Variants in PDE5A observed in about 807,000 individuals in gnomAD.
The protein encoded by PDE5A is cGMP-specific 3',5'-cyclic phosphodiesterase.
Under a neutral mutation model 110.2 loss-of-function variants are expected in PDE5A, and 67 were observed. The ratio of observed to expected loss-of-function variants is 0.61; its 90% confidence interval spans 0.50 to 0.75. The LOEUF is 0.75. Among genes scored for constraint, PDE5A ranks in the 30% least tolerant of loss-of-function variants. The probability of loss-of-function intolerance (pLI) is 0.00; values close to 1 mark genes in which losing one functional copy is unlikely to be tolerated. For missense variants in PDE5A, 862 were observed against 1,045.1 expected (o/e 0.82, Z 2.42); for synonymous variants, 328 against 351.2 (o/e 0.93, Z 0.74).
intron 13 of PDE5A, among the ~76,000 whole-genome samples, chr4:119,520,002 T>C (rs1726065504): frequency 6.6e-6 from 1 of 152,074 alleles, no homozygotes; most frequent in East Asian, 1.9e-4. Flanking sequence ...ATTCAACCAG[T>C]AAGTATAATG....
intron 9 of PDE5A, among the ~76,000 whole-genome samples, chr4:119,546,060 A>G (rs536236648): frequency 6.6e-6 from 1 of 152,158 alleles, no homozygotes; most frequent in South Asian, 2.1e-4. Context: ...ATATAAACCT[A>G]TATTTTCCCT....
At position 119,496,816 on chromosome 4, in the gene PDE5A, A is replaced by G. The variant is rs1447225646; in HGVS notation, c.*1785T>C. 4 of 152,584 alleles carry G rather than the reference A, an allele frequency of 2.6e-5. No homozygotes were observed. The highest frequency in any genetic ancestry group is 9.6e-5 in the African/African-American group (4 of 41,458). The allele number at this position is 152,584 out of a possible 1,614,324, so 9.5% of individuals were successfully genotyped here. ...GGGCAACCTTACAAATTTTATCTGT[A>G]TGGCAAAAAAAATAAAATATCCTGA... On this transcript the variant is annotated 3_prime_UTR_variant, in exon 21 of 21. Transcript: ENST00000354960.
At chr4:119,531,018 T>C (rs1726514477) in intron 11 of PDE5A, among the ~76,000 whole-genome samples, 1 of 152,176 alleles carries the variant, frequency 6.6e-6, no homozygotes, top group South Asian at 2.1e-4. Context: ...TAAGATTTGA[T>C]TCTCTCACTT....
At chr4:119,521,273 C>A (rs10004484) in intron 12 of PDE5A, among the ~76,000 whole-genome samples, 2 of 151,546 alleles carry the variant, frequency 1.3e-5, no homozygotes, top group Non-Finnish European at 2.9e-5. Flanking sequence ...CAATTTGACT[C>A]CACAGCCTAC....
intron 3 of PDE5A, among the ~76,000 whole-genome samples, chr4:119,588,893 T>C (rs1048495957): frequency 2.0e-5 from 3 of 152,230 alleles, no homozygotes; most frequent in African/African-American, 7.2e-5. Context: ...TCCTAAATTC[T>C]TGATTTTAAC....
chr4:119,563,238 A>C (rs72678526), intron 5 of PDE5A, among the ~76,000 whole-genome samples: 1 of 152,094 alleles, frequency 6.6e-6, no homozygotes, highest in African/African-American at 2.4e-5. Flanking sequence ...ACTGAGGGCA[A>C]ATTTCTTCAA....
intron 3 of PDE5A, among the ~76,000 whole-genome samples, chr4:119,594,580 T>C (rs1339774196): frequency 6.6e-6 from 1 of 152,220 alleles, no homozygotes; most frequent in Non-Finnish European, 1.5e-5. Flanking sequence ...AAATTTGATA[T>C]ACCTGGCAAC....
chr4:119,580,457 AG>A (rs1728551428), intron 3 of PDE5A, among the ~76,000 whole-genome samples: 1 of 152,210 alleles, frequency 6.6e-6, no homozygotes, highest in Non-Finnish European at 1.5e-5. Flanking sequence ...TTCCCATGGC[AG>A]GGTACATTCA....
At chr4:119,528,670 A>C (rs1578746771) in intron 11 of PDE5A, 1 of 152,252 alleles carries the variant, frequency 6.6e-6, no homozygotes, top group Admixed American at 6.5e-5. Context: ...AAAAGAAGGA[A>C]GTTGGAGTAG....
chr4:119,511,012 T>G (rs760104656), intron 15 of PDE5A, 35 bp downstream of exon 15: 1 of 1,193,190 alleles, frequency 8.4e-7, no homozygotes, highest in Non-Finnish European at 1.2e-6. Flanking sequence ...TAAAGCTCTC[T>G]TTTAAAATTC....
chr4:119,535,813 T>C (rs1726707120), intron 11 of PDE5A, among the ~76,000 whole-genome samples: 1 of 152,214 alleles, frequency 6.6e-6, no homozygotes, highest in South Asian at 2.1e-4. Flanking sequence ...AAATATTTAG[T>C]AGATTTAATT....
chr4:119,525,299 G>C lies in PDE5A; in HGVS notation c.1779+250C>G, dbSNP rs1034987835. On this transcript the variant is annotated intron_variant, in intron 12 of 20. Transcript: ENST00000354960. This position sits in a 1 kb window ranked among gnomAD's most constrained non-coding sequence, Gnocchi z 4.3. ...CTGCTGTCATGCCTTTGAACATCCT[G>C]CTCCTATTTTTAGGAACACTCTCCC... 1.3e-5 allele frequency among the ~76,000 whole-genome samples: 2 copies of C among 151,972 alleles called. No homozygotes were observed. The highest frequency in any genetic ancestry group is 4.8e-5 in the African/African-American group (2 of 41,436).
At chr4:119,619,375 T>TG (rs1730063307) in intron 1 of PDE5A, among the ~76,000 whole-genome samples, 1 of 152,198 alleles carries the variant, frequency 6.6e-6, no homozygotes, top group South Asian at 2.1e-4. Context: ...AGCTCACTTA[T>TG]GAATCTCTCC....
intron 7 of PDE5A, among the ~76,000 whole-genome samples, chr4:119,558,929 A>G (rs13152138): frequency 1.0e-4 from 15 of 150,254 alleles, no homozygotes; most frequent in South Asian, 2.1e-4. Flanking sequence ...AAAAAAAAAA[A>G]AAAAAAGCTA....
intron 14 of PDE5A, among the ~76,000 whole-genome samples, chr4:119,517,374 T>C (rs957572888): frequency 1.3e-4 from 19 of 151,778 alleles, no homozygotes; most frequent in African/African-American, 4.4e-4. Flanking sequence ...AAAATTCTAC[T>C]TTAAGTATCA....
At position 119,525,704 on chromosome 4, in the gene PDE5A, A is replaced by C. The variant is rs554088539; in HGVS notation, c.1633-9T>G. ...GATGGCACCACAGCAGCCTTGGGTA[A>C]GGAAAGAAGAAAAAAAAAAATGCTG... On this transcript the variant is annotated splice_polypyrimidine_tract_variant and intron_variant, in intron 11 of 20. Coordinates refer to ENST00000354960, the MANE Select transcript of PDE5A (RefSeq NM_001083.4). The surrounding 1 kb of genome is among the most constrained non-coding windows in gnomAD (Gnocchi z 4.3). 6.4e-7 allele frequency: 1 copy of C among 1,555,778 alleles called. No homozygotes were observed. Among genetic ancestry groups the C allele is most frequent in the African/African-American group, 1.7e-5 (1 of 58,752 alleles).
chr4:119,618,675 A>G (rs1730029310), intron 1 of PDE5A, among the ~76,000 whole-genome samples: 1 of 150,100 alleles, frequency 6.7e-6, no homozygotes, highest in Admixed American at 6.8e-5. Context: ...TTCCCAAAAT[A>G]TAAAAGTTAA....
At position 119,596,574 on chromosome 4, in the gene PDE5A, G is replaced by C; in HGVS notation, c.780C>G (p.Gly260=). 1 of 1,602,680 alleles carries C rather than the reference G, an allele frequency of 6.2e-7. No homozygotes were observed. Among genetic ancestry groups the C allele is most frequent in the South Asian group, 1.1e-5 (1 of 88,536 alleles). Reference sequence around the variant, plus strand: ...TACAAAGAATGCTTTGTGTCTTGTAGCCTGTAATTTGGTCAACTTCTGCAT... The same window carrying C: ...TACAAAGAATGCTTTGTGTCTTGTACCCTGTAATTTGGTCAACTTCTGCAT... ...RFNAEVDQIT[G]YKTQSILCMP... is the part of the protein sequence containing the mutation. Residue 260 remains glycine (G), a synonymous_variant, in exon 3 of 21, where the codon GGC becomes GGG. Transcript: ENST00000354960.
In PDE5A at chr4:119,606,746, G is replaced by A. The variant is rs755105826; in HGVS notation, c.704C>T (p.Ala235Val). Reference sequence around the variant, plus strand: ...TTTGATGTTCAAGGGCTCACCAAGCGCTGCCACATGTCCCACAATGCCTTT... The same window carrying A: ...TTTGATGTTCAAGGGCTCACCAAGCACTGCCACATGTCCCACAATGCCTTT... ...WNKGIVGHVAALGEPLNIKDA... is the reference protein window; with the variant it reads ...WNKGIVGHVAVLGEPLNIKDA... Residue 235 changes from alanine (A) to valine (V), a missense_variant, in exon 2 of 21, where the codon GCG becomes GTG. By Grantham distance (64) the Ala-to-Val change is moderately conservative. Coordinates refer to ENST00000354960, the MANE Select transcript of PDE5A (RefSeq NM_001083.4). 3.3e-5 allele frequency: 54 copies of A among 1,614,018 alleles called. No homozygotes were observed. Among genetic ancestry groups the A allele is most frequent in the East Asian group, 4.5e-5 (2 of 44,884 alleles).
Sources: allele counts gnomAD v4.1 joint callset (sites outside exome capture counted in the v4.1 genomes callset), GRCh38; gene constraint gnomAD v4.1.1; non-coding constraint Gnocchi (gnomAD v3.1); transcripts MANE v1.5; gene names NCBI Gene and HGNC (gene_info 2026-07-23, HGNC 2026-07-21).